The following FNDC1 variants were observed in gnomAD, a reference collection of about 807,000 sequenced individuals.
The protein encoded by FNDC1 is fibronectin type III domain containing 1.
A neutral mutation model predicts 168.0 loss-of-function variants in FNDC1; 96 were observed. That is an observed-to-expected ratio of 0.57 (90% CI 0.48 to 0.68). The LOEUF (loss-of-function observed/expected upper bound fraction) is 0.68, where lower values mean the gene tolerates loss of function less well. Among genes scored for constraint, FNDC1 ranks in the 30% least tolerant of loss-of-function variants. The pLI is 0.00. For missense variants in FNDC1, 2,587 were observed against 2,482.1 expected, an observed-to-expected ratio of 1.04 and a Z score of -0.90; for synonymous variants, 1,099 against 1,025.9, an observed-to-expected ratio of 1.07 and a Z score of -1.36.
intron 18 of FNDC1, among the ~76,000 whole-genome samples, chr6:159,257,245 C>CACCCA (rs1777393010): frequency 6.6e-6 from 1 of 152,122 alleles, no homozygotes; most frequent in South Asian, 2.1e-4. Flanking sequence ...TGGTAATGAC[C>CACCCA]CTCGGAAAGC....
intron 19 of FNDC1, among the ~76,000 whole-genome samples, chr6:159,264,463 A>G (rs1052309872): frequency 1.1e-4 from 16 of 152,250 alleles, no homozygotes; most frequent in African/African-American, 3.4e-4. Flanking sequence ...TGGCTGTGCT[A>G]CAGTTTGTTT....
chr6:159,180,726 T>C (rs1781860821), intron 1 of FNDC1, among the ~76,000 whole-genome samples: 1 of 152,150 alleles, frequency 6.6e-6, no homozygotes, highest in South Asian at 2.1e-4. Flanking sequence ...AGTGAGAACA[T>C]GCAGTGTTTG....
At chr6:159,265,882 C>T (rs1051742334) in intron 20 of FNDC1, among the ~76,000 whole-genome samples, 3 of 152,026 alleles carry the variant, frequency 2.0e-5, no homozygotes, top group South Asian at 2.1e-4. Flanking sequence ...GAGCCGAGAT[C>T]GTGCCACTGC....
intron 15 of FNDC1, 127 bp from the exon 16 acceptor site, chr6:159,248,906 GGTGTGT>G: frequency 3.4e-6 from 2 of 590,078 alleles, no homozygotes; most frequent in Non-Finnish European, 5.5e-6. Flanking sequence ...TTTATTTTAG[GGTGTGT>G]GTGTGTGTGT....
At chr6:159,227,271 T>A (rs1448442111) in intron 9 of FNDC1, among the ~76,000 whole-genome samples, 2 of 152,198 alleles carry the variant, frequency 1.3e-5, no homozygotes, top group Non-Finnish European at 2.9e-5. Context: ...CATGCTGAAG[T>A]TTTTCCTGGC....
intron 1 of FNDC1, among the ~76,000 whole-genome samples, chr6:159,177,511 C>G (rs1781789339): frequency 6.6e-6 from 1 of 152,074 alleles, no homozygotes; most frequent in Non-Finnish European, 1.5e-5. Context: ...CAGGAGAAGC[C>G]TCCCTAGCCA....
intron 2 of FNDC1, 55 bp downstream of exon 2, chr6:159,197,680 T>C (rs921282043): frequency 1.4e-6 from 2 of 1,472,884 alleles, no homozygotes; most frequent in Admixed American, 1.8e-5. Flanking sequence ...ACCAACATTC[T>C]CAGTTGCATT....
intron 1 of FNDC1, among the ~76,000 whole-genome samples, chr6:159,177,023 C>T (rs1253746763): frequency 6.6e-6 from 1 of 152,086 alleles, no homozygotes; most frequent in East Asian, 1.9e-4. Flanking sequence ...GCATAAGTCT[C>T]ATGTATTTAC....
intron 2 of FNDC1, 49 bp downstream of exon 2, chr6:159,197,674 A>C: frequency 6.7e-7 from 1 of 1,500,702 alleles, no homozygotes; most frequent in Non-Finnish European, 9.1e-7. Context: ...CTGTGCACCA[A>C]CATTCTCAGT....
At chr6:159,203,423 A>T (rs551831014) in intron 4 of FNDC1, among the ~76,000 whole-genome samples, 1 of 152,292 alleles carries the variant, frequency 6.6e-6, no homozygotes, top group South Asian at 2.1e-4. Context: ...ACCATGCCAG[A>T]GAGTCCTGGA....
Position 159,226,638 on chromosome 6 carries a change from G to C in FNDC1, c.1180+58G>C, listed in dbSNP as rs970868935. On this transcript the variant is annotated intron_variant, in intron 9 of 22. Coordinates refer to ENST00000297267, the MANE Select transcript of FNDC1 (RefSeq NM_032532.3). ...ATTGATTCTGATGAACATGGCCTCT[G>C]CTTACGGCTTTGTTGACTGAAAAAG... 2.3e-6 allele frequency: 3 copies of C among 1,324,404 alleles called. No individual in the cohort carries two copies. In the African/African-American group the frequency reaches 4.5e-5, roughly 20 times the overall value. 82.0% of individuals were successfully genotyped at this position (1,324,404 alleles called of 1,614,324 possible).
chr6:159,265,535 T>C (rs2115031382), intron 20 of FNDC1, among the ~76,000 whole-genome samples: 1 of 152,324 alleles, frequency 6.6e-6, no homozygotes, highest in East Asian at 1.9e-4. Flanking sequence ...TATTGAAATG[T>C]GTATACTTTA....
chr6:159,195,139 G>A (rs113495393), intron 1 of FNDC1, among the ~76,000 whole-genome samples: 163 of 152,014 alleles, frequency 1.1e-3, no homozygotes, highest in African/African-American at 3.9e-3. Flanking sequence ...TTGCCTGTAG[G>A]GTTTTGTTTC....
chr6:159,169,743 C>T lies in FNDC1; in HGVS notation c.109+38C>T. On this transcript the variant is annotated intron_variant, in intron 1 of 22. Coordinates refer to ENST00000297267, the MANE Select transcript of FNDC1 (RefSeq NM_032532.3). The surrounding 1 kb of genome is among the most constrained non-coding windows in gnomAD (Gnocchi z 6.8). Reference sequence around the variant, plus strand: ...CCCGGGCCCCCGGCGCTCCTCAGCTCCCCGCGCACCCTCCTGCGCTCGGGC... The same window carrying T: ...CCCGGGCCCCCGGCGCTCCTCAGCTTCCCGCGCACCCTCCTGCGCTCGGGC... 1 of 843,092 alleles carries T rather than the reference C, an allele frequency of 1.2e-6. No individual in the cohort carries two copies. Among genetic ancestry groups the T allele is most frequent in the Non-Finnish European group, 1.5e-6 (1 of 657,866 alleles). The allele number at this position is 843,092 out of a possible 1,614,324, so 52.2% of individuals were successfully genotyped here. A position where few individuals can be genotyped will look rare whatever the true frequency, so the allele number is the denominator to read the frequency against.
chr6:159,221,735 G>C (rs1225229171), intron 6 of FNDC1, 39 bp downstream of exon 6: 2 of 1,409,172 alleles, frequency 1.4e-6, no homozygotes, highest in Admixed American at 1.7e-5. Flanking sequence ...ACCATAGTCT[G>C]GTATGAATGC....
intron 19 of FNDC1, among the ~76,000 whole-genome samples, chr6:159,261,961 A>G (rs1562312776): frequency 2.6e-5 from 4 of 151,898 alleles, no homozygotes; most frequent in Non-Finnish European, 2.9e-5. Context: ...TTTTTTAATT[A>G]GCCAGGCCTA....
chr6:159,236,339 C>A (rs754739174), intron 12 of FNDC1, 24 bp downstream of exon 12: 22 of 1,511,728 alleles, frequency 1.5e-5, no homozygotes, highest in East Asian at 4.5e-5. Flanking sequence ...CTTTACACAT[C>A]CCCGTTGTTT....
At chr6:159,265,702 G>T (rs1484748674) in intron 20 of FNDC1, among the ~76,000 whole-genome samples, 2 of 152,112 alleles carry the variant, frequency 1.3e-5, no homozygotes, top group Non-Finnish European at 2.9e-5. Context: ...GGCCAAGGTG[G>T]GCGGATTGCG....
chr6:159,264,201 A>G (rs760581353), intron 19 of FNDC1, among the ~76,000 whole-genome samples: 1 of 152,248 alleles, frequency 6.6e-6, no homozygotes, highest in Non-Finnish European at 1.5e-5. Flanking sequence ...TCTGCTGGAC[A>G]GTTTCCTCCT....
Sources: gnomAD v4.1 joint callset for allele counts (sites outside exome capture counted in the v4.1 genomes callset) on GRCh38, gnomAD v4.1.1 for gene constraint, Gnocchi (gnomAD v3.1) non-coding constraint, MANE v1.5 for transcripts, NCBI Gene and HGNC (gene_info 2026-07-23, HGNC 2026-07-21) for gene names.